Variants in SFMBT1 observed in about 807,000 individuals in gnomAD.
The protein encoded by SFMBT1 is scm-like with four MBT domains protein 1.
SFMBT1 carries 32 observed loss-of-function variants against 108.7 expected under a neutral mutation model. That is an observed-to-expected ratio of 0.29 (90% CI 0.22 to 0.40). SFMBT1 has a LOEUF of 0.40. Among genes scored for constraint, SFMBT1 ranks in the 10% least tolerant of loss-of-function variants. The probability of loss-of-function intolerance (pLI) is 1.00; values close to 1 mark genes in which losing one functional copy is unlikely to be tolerated. For synonymous variants in SFMBT1, 348 were observed against 369.5 expected (o/e 0.94, Z 0.67); for missense variants, 816 against 1,059.6 (o/e 0.77, Z 3.19).
chr3:53,026,667 A>G (rs1240648947), intron 1 of SFMBT1, among the ~76,000 whole-genome samples: 3 of 152,198 alleles, frequency 2.0e-5, no homozygotes, highest in Admixed American at 6.5e-5. Context: ...AGTCCTAGAT[A>G]TAACAGCCCA....
intron 5 of SFMBT1, among the ~76,000 whole-genome samples, chr3:52,933,799 A>G (rs1702927852): frequency 6.6e-6 from 1 of 152,190 alleles, no homozygotes; most frequent in African/African-American, 2.4e-5. Context: ...AAAATACAGG[A>G]GTAAATCTTC....
intron 1 of SFMBT1, among the ~76,000 whole-genome samples, chr3:53,002,316 G>A (rs565796742): frequency 7.5e-5 from 11 of 146,822 alleles, no homozygotes; most frequent in East Asian, 2.0e-4. Context: ...GGAGAATGGC[G>A]TGAACCCGGG....
At chr3:53,014,031 A>C (rs1427854561) in intron 1 of SFMBT1, among the ~76,000 whole-genome samples, 1 of 152,210 alleles carries the variant, frequency 6.6e-6, no homozygotes, top group South Asian at 2.1e-4. Flanking sequence ...TACCTCTTCC[A>C]TCCCACCACC....
intron 1 of SFMBT1, among the ~76,000 whole-genome samples, chr3:52,982,594 T>C (rs1418852167): frequency 6.6e-6 from 1 of 151,880 alleles, no homozygotes; most frequent in African/African-American, 2.4e-5. Context: ...CCGGACATGG[T>C]GGCATATGCC....
chr3:52,907,015 G>T, intron 19 of SFMBT1, 54 bp downstream of exon 19: 1 of 1,550,412 alleles, frequency 6.4e-7, no homozygotes, highest in Non-Finnish European at 8.7e-7. Context: ...TCATATTCCA[G>T]ATGGAAATTC....
chr3:53,003,445 T>C (rs1474481614), intron 1 of SFMBT1, among the ~76,000 whole-genome samples: 2 of 149,992 alleles, frequency 1.3e-5, no homozygotes, highest in African/African-American at 4.9e-5. Context: ...GGACGCAAAA[T>C]TGTGAACGTG....
intron 1 of SFMBT1, among the ~76,000 whole-genome samples, chr3:52,998,161 A>C (rs1469638277): frequency 6.7e-6 from 1 of 150,120 alleles, no homozygotes; most frequent in East Asian, 1.9e-4. Flanking sequence ...CACGCCTGTA[A>C]TCCCAGCACT....
chr3:52,969,645 T>C (rs183624958), intron 1 of SFMBT1, among the ~76,000 whole-genome samples: 77 of 152,334 alleles, frequency 5.1e-4, no homozygotes, highest in African/African-American at 1.8e-3. Flanking sequence ...CAATGCTGTC[T>C]TACACAACGA....
In SFMBT1 at chr3:53,001,925, TCACACACACACA is replaced by T. The variant is rs59572829; in HGVS notation, c.-130-32679_-130-32668del. ...GGGCAACAGAGCAAGACCCAGTCTCTCACACACACACACACACACACACACACACACACACAC... is the reference window on the plus strand; with the variant it reads ...GGGCAACAGAGCAAGACCCAGTCTCTCACACACACACACACACACACACAC... On this transcript the variant is annotated intron_variant, in intron 1 of 20. Coordinates refer to ENST00000394752, the MANE Select transcript of SFMBT1 (RefSeq NM_016329.4). Among the ~76,000 whole-genome samples, 134 of 129,230 alleles carry T rather than the reference TCACACACACACA, an allele frequency of 1.0e-3. 4 individuals carry two copies. The highest frequency in any genetic ancestry group is 3.2e-3 in the African/African-American group (114 of 35,824). 84.8% of individuals were successfully genotyped at this position (129,230 alleles called of 152,430 possible). A position where few individuals can be genotyped will look rare whatever the true frequency, so the allele number is the denominator to read the frequency against.
In SFMBT1 at chr3:52,905,042, G is replaced by C; in HGVS notation, c.*94C>G. On this transcript the variant is annotated 3_prime_UTR_variant, in exon 21 of 21. Coordinates refer to ENST00000394752, the MANE Select transcript of SFMBT1 (RefSeq NM_016329.4). ...AGCAAGCTGATACCTGCAGGCCCCAGAGCCCCAGGACTATTCCAGCTCCAC... is the reference window on the plus strand; with the variant it reads ...AGCAAGCTGATACCTGCAGGCCCCACAGCCCCAGGACTATTCCAGCTCCAC... 11 of 1,514,552 alleles carry C rather than the reference G, an allele frequency of 7.3e-6. No homozygotes were observed. The South Asian group carries it at 1.5e-4, about 20-fold the overall frequency. 93.8% of individuals were successfully genotyped at this position (1,514,552 alleles called of 1,614,324 possible). A position where few individuals can be genotyped will look rare whatever the true frequency, so the allele number is the denominator to read the frequency against.
intron 4 of SFMBT1, among the ~76,000 whole-genome samples, chr3:52,935,559 G>A (rs922728648): frequency 6.6e-6 from 1 of 152,236 alleles, no homozygotes; most frequent in Non-Finnish European, 1.5e-5. Flanking sequence ...TCAGTTAGAA[G>A]ACAATTCCAG....
chr3:52,912,705 A>G, intron 15 of SFMBT1, 58 bp from the exon 16 acceptor site: 1 of 1,231,840 alleles, frequency 8.1e-7, no homozygotes, highest in Non-Finnish European at 1.2e-6. Context: ...AGACCATTAG[A>G]ATCTTGTCAT....
chr3:52,911,586 G>A (rs1702214589), intron 16 of SFMBT1, among the ~76,000 whole-genome samples: 1 of 152,222 alleles, frequency 6.6e-6, no homozygotes, highest in African/African-American at 2.4e-5. Flanking sequence ...GACAAGATCA[G>A]AAAGCAAGAG....
chr3:52,965,878 C>T, intron 2 of SFMBT1, among the ~76,000 whole-genome samples: 1 of 150,156 alleles, frequency 6.7e-6, no homozygotes, highest in East Asian at 2.0e-4. Flanking sequence ...TGGTAGCAGG[C>T]ACCTGTAGTC....
chr3:52,918,462 T>A (rs779059495), intron 13 of SFMBT1, 22 bp downstream of exon 13: 3 of 1,553,412 alleles, frequency 1.9e-6, no homozygotes, highest in Middle Eastern at 3.4e-4. Flanking sequence ...TTGTAAACTG[T>A]TCATATTATT....
chr3:52,976,814 G>C (rs902966547), intron 1 of SFMBT1, among the ~76,000 whole-genome samples: 3 of 152,122 alleles, frequency 2.0e-5, no homozygotes, highest in Non-Finnish European at 2.9e-5. Context: ...AACGATAATT[G>C]TAGGGAATGA....
intron 3 of SFMBT1, among the ~76,000 whole-genome samples, chr3:52,949,696 A>C (rs1161074823): frequency 1.4e-5 from 2 of 145,592 alleles, no homozygotes; most frequent in African/African-American, 5.1e-5. Flanking sequence ...CTCCTGCCTG[A>C]GCCTTCCTGA....
At chr3:52,927,635 T>C (rs1192816400) in intron 9 of SFMBT1, among the ~76,000 whole-genome samples, 1 of 152,214 alleles carries the variant, frequency 6.6e-6, no homozygotes, top group Non-Finnish European at 1.5e-5. Context: ...GATTAAAGGA[T>C]CAAAGACTAT....
At chr3:52,910,633 C>A (rs1413824458) in intron 17 of SFMBT1, among the ~76,000 whole-genome samples, 1 of 152,146 alleles carries the variant, frequency 6.6e-6, no homozygotes, top group Non-Finnish European at 1.5e-5. Context: ...GGATTACGGG[C>A]AGGTGCCACC....
Sources: gnomAD v4.1 joint callset for allele counts (sites outside exome capture counted in the v4.1 genomes callset) on GRCh38, gnomAD v4.1.1 for gene constraint, MANE v1.5 for transcripts, NCBI Gene and HGNC (gene_info 2026-07-23, HGNC 2026-07-21) for gene names.